Variants in POLRMT observed in about 807,000 individuals in gnomAD.
POLRMT encodes the protein RNA polymerase mitochondrial.
Under a neutral mutation model 132.2 loss-of-function variants are expected in POLRMT, and 114 were observed. That is an observed-to-expected ratio of 0.86 (90% CI 0.74 to 1.01). The LOEUF is 1.01. Among genes scored for constraint, POLRMT ranks in the 50% least tolerant of loss-of-function variants. The probability of loss-of-function intolerance (pLI) is 0.00; values close to 1 mark genes in which losing one functional copy is unlikely to be tolerated. For synonymous variants in POLRMT, 1,020 were observed against 773.4 expected (o/e 1.32, Z -5.29); for missense variants, 2,003 against 1,729.1 (o/e 1.16, Z -2.81).
intron 11 of POLRMT, 61 bp downstream of exon 11, chr19:620,304 A>G: frequency 6.7e-7 from 1 of 1,488,140 alleles, no homozygotes; most frequent in Non-Finnish European, 9.0e-7. Context: ...CACACCCTCA[A>G]GTCGAGCCCC....
At chr19:618,115 T>TA in intron 17 of POLRMT, 1 of 570,180 alleles carries the variant, frequency 1.8e-6, no homozygotes, top group Non-Finnish European at 3.1e-6. Context: ...CGAGGGCGGC[T>TA]ACGAGGTCCC....
chr19:619,468 C>T (rs1984322404), intron 13 of POLRMT, 118 bp downstream of exon 13: 1 of 1,429,592 alleles, frequency 7.0e-7, no homozygotes, highest in East Asian at 2.3e-5. Flanking sequence ...TAACAGGCAG[C>T]CAGTGGTCTG....
chr19:626,808 C>G (rs553553699), intron 3 of POLRMT, among the ~76,000 whole-genome samples: 3 of 151,156 alleles, frequency 2.0e-5, no homozygotes, highest in African/African-American at 7.3e-5. Flanking sequence ...TGCGGTAAGC[C>G]GGGATCTCAC....
intron 3 of POLRMT, among the ~76,000 whole-genome samples, chr19:628,289 C>G (rs1467683374): frequency 6.6e-6 from 1 of 152,206 alleles, no homozygotes; most frequent in Non-Finnish European, 1.5e-5. Flanking sequence ...AGTGTGGGCT[C>G]TCTGCCCAGG....
rs1052591705 is a variant in POLRMT at position 620,222 on chromosome 19, G to A, written c.2764-142C>T. 69 of 1,450,670 alleles carry A rather than the reference G, an allele frequency of 4.8e-5. No individual in the cohort carries two copies. In the African/African-American group the frequency reaches 8.7e-4, roughly 18 times the overall value. 89.9% of individuals were successfully genotyped at this position (1,450,670 alleles called of 1,614,324 possible). On this transcript the variant is annotated intron_variant, in intron 11 of 20. Coordinates refer to ENST00000588649, the MANE Select transcript of POLRMT (RefSeq NM_005035.4). The stretch of plus-strand genomic sequence containing the variant: ...CCGGAGCCCCCGCACGCTCCCGGGA[G>A]AGACCAGGAGCCATGGCTCCCGCAC...
intron 12 of POLRMT, 33 bp downstream of exon 12, chr19:619,925 C>G (rs375048672): frequency 1.3e-6 from 2 of 1,599,194 alleles, no homozygotes; most frequent in South Asian, 2.2e-5. Flanking sequence ...GCCCCCACGC[C>G]GAGATGCCCC....
intron 3 of POLRMT, among the ~76,000 whole-genome samples, chr19:627,148 A>ATTTT (rs869110035): frequency 5.0e-5 from 6 of 119,758 alleles, no homozygotes; most frequent in East Asian, 2.4e-4. Flanking sequence ...GTTTTGGGGC[A>ATTTT]TTTTTTTTTT....
chr19:620,220 G>T (rs76868459), intron 11 of POLRMT, 140 bp from the exon 12 acceptor site: 1 of 1,449,658 alleles, frequency 6.9e-7, no homozygotes, highest in East Asian at 2.5e-5. Context: ...ACGCTCCCGG[G>T]AGAGACCAGG....
In POLRMT at chr19:632,825, C is replaced by T; in HGVS notation, c.193+9G>A. The T allele has an allele frequency of 6.5e-7, 1 of 1,531,030 alleles. No homozygotes were observed. The highest frequency in any genetic ancestry group is 8.8e-7 in the Non-Finnish European group (1 of 1,140,808). 94.8% of individuals were successfully genotyped at this position (1,531,030 alleles called of 1,614,324 possible). A position where few individuals can be genotyped will look rare whatever the true frequency, so the allele number is the denominator to read the frequency against. ...TCCTCTCCCGGGCCGCCGTGGGGGT[C>T]GCGCTCACCCTCCAGCAGCTCCACG... is the stretch of plus-strand genomic sequence containing the variant. On this transcript the variant is annotated intron_variant, in intron 2 of 20. Coordinates refer to ENST00000588649, the MANE Select transcript of POLRMT (RefSeq NM_005035.4).
At position 619,046 on chromosome 19, in the gene POLRMT, G is replaced by T; in HGVS notation, c.3218C>A (p.Pro1073His). 1.2e-6 allele frequency: 2 copies of T among 1,607,000 alleles called. No homozygotes were observed. ...GGGCTGGATGACGGGGACGCCCAGG[G>T]GTGTGACCCACTCCACCACAGAGCC... ...HMGSVVEWVTPLGVPVIQPYR... is the reference protein window; with the variant it reads ...HMGSVVEWVTHLGVPVIQPYR... The change falls in exon 15 of 21, where the codon CCC becomes CAC. Residue 1073 changes from proline to histidine, a missense_variant. Coordinates refer to ENST00000588649, the MANE Select transcript of POLRMT (RefSeq NM_005035.4).
chr19:627,814 A>T (rs889735208), intron 3 of POLRMT, among the ~76,000 whole-genome samples: 5 of 151,278 alleles, frequency 3.3e-5, no homozygotes, highest in African/African-American at 1.2e-4. Flanking sequence ...AATCCCAGCC[A>T]CTCAGGAGGC....
chr19:625,764 C>CA (rs574652958), intron 3 of POLRMT, among the ~76,000 whole-genome samples: 80 of 152,292 alleles, frequency 5.3e-4, no homozygotes, highest in African/African-American at 1.9e-3. Flanking sequence ...TGCAGTGGCA[C>CA]AATCTCAGCT....
rs776925999 is a variant in POLRMT at position 622,881 on chromosome 19, G to A, written c.1395C>T (p.Phe465=). 3.1e-6 allele frequency: 5 copies of A among 1,610,460 alleles called. No homozygotes were observed. The highest frequency in any genetic ancestry group is 2.2e-5 in the East Asian group (1 of 44,764). ...GCAGGCACAGGAAGGGGTAAAGTGA[G>A]AACCGGCCCTCGTACACCTCGCGCT... The part of the protein sequence containing the change: ...RLEREVYEGR[F]SLYPFLCLLD... Residue 465 remains phenylalanine, a synonymous_variant, in exon 7 of 21, where the codon TTC becomes TTT. Coordinates refer to ENST00000588649, the MANE Select transcript of POLRMT (RefSeq NM_005035.4).
At position 625,158 on chromosome 19, in the gene POLRMT, C is replaced by T. The variant is rs1984934491; in HGVS notation, c.919G>A (p.Gly307Arg). ...GTCCCGGCGTCCTGGTCCTGCCTCC[C>T]CATGCACTGGAGGGCAGCCGCATAG... ...LSYAAALQCM[G>R]RQDQDAGTIE... Residue 307 changes from glycine to arginine, a missense_variant, in exon 4 of 21, where the codon GGG becomes AGG. Physicochemically the swap from Gly to Arg is moderately radical, Grantham distance 125. Coordinates refer to ENST00000588649, the MANE Select transcript of POLRMT (RefSeq NM_005035.4). 1 of 1,613,776 alleles carries T rather than the reference C, an allele frequency of 6.2e-7. No homozygotes were observed. Among genetic ancestry groups the T allele is most frequent in the Admixed American group, 1.7e-5 (1 of 60,004 alleles).
At chr19:627,412 A>G (rs764312597) in intron 3 of POLRMT, among the ~76,000 whole-genome samples, 8 of 151,388 alleles carry the variant, frequency 5.3e-5, no homozygotes, top group Admixed American at 1.3e-4. Flanking sequence ...TCAGCCTCCC[A>G]AAGTGCTGGG....
rs992129991 is a variant in POLRMT, at chr19:632,952, G to A, written c.89-14C>T. The A allele has an allele frequency of 8.7e-6, 13 of 1,486,316 alleles. No homozygotes were observed. Among genetic ancestry groups the A allele is most frequent in the South Asian group, 7.6e-5 (6 of 79,198 alleles). The allele number at this position is 1,486,316 out of a possible 1,614,324, so 92.1% of individuals were successfully genotyped here. On this transcript the variant is annotated splice_polypyrimidine_tract_variant and intron_variant, in intron 1 of 20. Coordinates refer to ENST00000588649, the MANE Select transcript of POLRMT (RefSeq NM_005035.4). ...CACCGGCGGTCCCTGCGGGAAAGAC[G>A]AGAGCGGCTGAGCGGGGCCGGGCGT...
intron 2 of POLRMT, among the ~76,000 whole-genome samples, chr19:632,205 G>C (rs1985468660): frequency 6.6e-6 from 1 of 152,132 alleles, no homozygotes; most frequent in Non-Finnish European, 1.5e-5. Flanking sequence ...AAAGTGCTGG[G>C]ATTACAGGCG....
rs1171569497 is a variant in POLRMT at position 617,565 on chromosome 19, C to A, written c.3581+5G>T. 2 of 1,611,556 alleles carry A rather than the reference C, an allele frequency of 1.2e-6. No homozygotes were observed. Among genetic ancestry groups the A allele is most frequent in the Non-Finnish European group, 1.7e-6 (2 of 1,179,942 alleles). On this transcript the variant is annotated splice_donor_5th_base_variant and intron_variant, in intron 19 of 20. Transcript: ENST00000588649. ...CCAGGTAGTTGGGGTCAGGGAGCGC[C>A]TTACTCAGAGCAGAACCGCTTGACC...
rs747253224 is a variant in POLRMT at position 629,817 on chromosome 19, G to A, written c.545C>T (p.Ala182Val). 30 of 1,592,828 alleles carry A rather than the reference G, an allele frequency of 1.9e-5. No individual in the cohort carries two copies. The highest frequency in any genetic ancestry group is 2.5e-5 in the Non-Finnish European group (29 of 1,170,324). ...CTGCTCCTCCCAGGGGCTCTCGGGGGCCTGGCGCGTGCAGTCCTCCAGGCA... is the reference window on the plus strand; with the variant it reads ...CTGCTCCTCCCAGGGGCTCTCGGGGACCTGGCGCGTGCAGTCCTCCAGGCA... ...AGCLEDCTRQ[A>V]PESPWEEQLA... The change falls in exon 3 of 21, where the codon GCC becomes GTC. Residue 182 changes from alanine (A) to valine (V), a missense_variant. Physicochemically the swap from Ala to Val is moderately conservative, Grantham distance 64 (BLOSUM62 0). Transcript: ENST00000588649.
Sources: gnomAD v4.1 joint callset for allele counts (sites outside exome capture counted in the v4.1 genomes callset) on GRCh38, gnomAD v4.1.1 for gene constraint, MANE v1.5 for transcripts, NCBI Gene and HGNC (gene_info 2026-07-23, HGNC 2026-07-21) for gene names.